Variants in MAML3 observed in about 807,000 individuals in gnomAD.
The protein encoded by MAML3 is mastermind-like protein 3.
MAML3 carries 27 observed loss-of-function variants against 101.9 expected under a neutral mutation model. The ratio of observed to expected loss-of-function variants is 0.27; its 90% CI spans 0.20 to 0.37. The LOEUF (loss-of-function observed/expected upper bound fraction) is 0.37. Among genes scored for constraint, MAML3 ranks in the 10% least tolerant of loss-of-function variants. The pLI is 1.00. For missense variants in MAML3, 1,316 were observed against 1,444.9 expected, an observed-to-expected ratio of 0.91 and a Z score of 1.45; for synonymous variants, 501 against 555.9, an observed-to-expected ratio of 0.90 and a Z score of 1.39.
intron 1 of MAML3, among the ~76,000 whole-genome samples, chr4:140,027,513 C>T (rs1462898014): frequency 6.6e-6 from 1 of 152,192 alleles, no homozygotes; most frequent in African/African-American, 2.4e-5. Flanking sequence ...AAATTATTAA[C>T]ATCATTCTGT....
intron 2 of MAML3, among the ~76,000 whole-genome samples, chr4:139,813,673 ACCAAGCC>A (rs1434432127): frequency 3.0e-4 from 45 of 152,268 alleles, no homozygotes; most frequent in African/African-American, 1.1e-3. Context: ...TGGGGACTAA[ACCAAGCC>A]AGAGAAGACT....
chr4:140,066,007 A>G (rs987204870), intron 1 of MAML3, among the ~76,000 whole-genome samples: 5 of 152,230 alleles, frequency 3.3e-5, no homozygotes, highest in Admixed American at 3.3e-4. Flanking sequence ...GACCTCTGAT[A>G]TGTGCAACTG....
At chr4:139,744,086 T>G (rs750018115) in intron 2 of MAML3, among the ~76,000 whole-genome samples, 1 of 152,184 alleles carries the variant, frequency 6.6e-6, no homozygotes, top group Non-Finnish European at 1.5e-5. Flanking sequence ...TGTAGTCAGA[T>G]GCACAAACAC....
chr4:139,794,921 G>A (rs1402292342), intron 2 of MAML3, among the ~76,000 whole-genome samples: 1 of 152,140 alleles, frequency 6.6e-6, no homozygotes, highest in Non-Finnish European at 1.5e-5. Context: ...GTAAGAATTG[G>A]TGGCAATGAC....
chr4:140,085,312 G>C (rs1315078003), intron 1 of MAML3, among the ~76,000 whole-genome samples: 1 of 152,172 alleles, frequency 6.6e-6, no homozygotes, highest in Non-Finnish European at 1.5e-5. Context: ...GCTGGTCTAA[G>C]TGGAGCAGCC....
chr4:139,806,554 C>T (rs775064173), intron 2 of MAML3, among the ~76,000 whole-genome samples: 9 of 152,116 alleles, frequency 5.9e-5, no homozygotes, highest in Non-Finnish European at 8.8e-5. Context: ...ATACAACACA[C>T]GTCAAGATCC....
chr4:140,151,426 C>A (rs1045952130), intron 1 of MAML3, among the ~76,000 whole-genome samples: 2 of 152,158 alleles, frequency 1.3e-5, no homozygotes, highest in African/African-American at 2.4e-5. Context: ...CGCCTCCCCT[C>A]CCCCAAGCCG....
chr4:140,099,919 A>G (rs1482010602), intron 1 of MAML3, among the ~76,000 whole-genome samples: 1 of 152,184 alleles, frequency 6.6e-6, no homozygotes, highest in African/African-American at 2.4e-5. Flanking sequence ...AAATTTGATC[A>G]TGGCACTCCC....
intron 1 of MAML3, among the ~76,000 whole-genome samples, chr4:140,011,065 T>G (rs1485200116): frequency 6.9e-6 from 1 of 145,022 alleles, no homozygotes; most frequent in Non-Finnish European, 1.5e-5. Context: ...CTGCTTGCAC[T>G]CTAGCCTGGG....
At chr4:139,780,437 AAGGAGAGAC>A (rs1247255592) in intron 2 of MAML3, among the ~76,000 whole-genome samples, 1 of 152,220 alleles carries the variant, frequency 6.6e-6, no homozygotes, top group Non-Finnish European at 1.5e-5. Flanking sequence ...ACCTCAAGCC[AAGGAGAGAC>A]TCTTAACCAA....
chr4:140,050,889 T>C (rs951774606), intron 1 of MAML3, among the ~76,000 whole-genome samples: 2 of 152,208 alleles, frequency 1.3e-5, no homozygotes, highest in Non-Finnish European at 2.9e-5. Flanking sequence ...AATGAAAGTT[T>C]TACTCAGTAT....
intron 2 of MAML3, among the ~76,000 whole-genome samples, chr4:139,786,684 C>T (rs1290135016): frequency 6.6e-6 from 1 of 152,174 alleles, no homozygotes; most frequent in Non-Finnish European, 1.5e-5. Context: ...TCTGTCAATA[C>T]AACAGTACTG....
At chr4:139,874,769 C>T (rs1732076128) in intron 2 of MAML3, among the ~76,000 whole-genome samples, 1 of 151,374 alleles carries the variant, frequency 6.6e-6, no homozygotes, top group South Asian at 2.1e-4. Flanking sequence ...ACAGAGTCAT[C>T]CTAATATCTC....
intron 1 of MAML3, among the ~76,000 whole-genome samples, chr4:140,033,798 T>C (rs967100697): frequency 6.6e-6 from 1 of 152,218 alleles, no homozygotes; most frequent in Non-Finnish European, 1.5e-5. Flanking sequence ...AATGTTCAAA[T>C]GTTGGCATGG....
intron 2 of MAML3, among the ~76,000 whole-genome samples, chr4:139,868,796 G>C (rs1227798750): frequency 6.6e-6 from 1 of 152,048 alleles, no homozygotes; most frequent in East Asian, 1.9e-4. Context: ...AAATGAACTG[G>C]TAAAATTTCT....
chr4:140,117,325 T>G (rs185901759), intron 1 of MAML3, among the ~76,000 whole-genome samples: 2 of 152,340 alleles, frequency 1.3e-5, no homozygotes, highest in South Asian at 2.1e-4. Flanking sequence ...AAAAGCTGTT[T>G]CTAAATTTAC....
chr4:140,018,224 G>C (rs1521489), intron 1 of MAML3, among the ~76,000 whole-genome samples: 105,707 of 152,024 alleles, frequency 0.7, 40,274 homozygotes, highest in East Asian at 0.94. Context: ...GCTGGTATAT[G>C]TAACCGCACA....
chr4:139,771,203 T>A (rs2031919022), intron 2 of MAML3, among the ~76,000 whole-genome samples: 2 of 152,244 alleles, frequency 1.3e-5, no homozygotes, highest in Non-Finnish European at 1.5e-5. Context: ...AAAGAGGTTG[T>A]ATTTTGGAGA....
chr4:139,839,563 G>A lies in MAML3; in HGVS notation c.2079+49794C>T, dbSNP rs546134509. Among the ~76,000 whole-genome samples the A allele has an allele frequency of 6.5e-4, 98 of 151,670 alleles. No homozygotes were observed. In the South Asian group the frequency reaches 0.02, roughly 31 times the overall value. On this transcript the variant is annotated intron_variant, in intron 2 of 4. Transcript: ENST00000509479. ...AACTTAGGGAGCAGATATGCAGCGT[G>A]TGTGTACACCCAGCATGTGTTTTCT...
Sources: gnomAD v4.1 joint callset for allele counts (sites outside exome capture counted in the v4.1 genomes callset) on GRCh38, gnomAD v4.1.1 for gene constraint, MANE v1.5 for transcripts, NCBI Gene and HGNC (gene_info 2026-07-23, HGNC 2026-07-21) for gene names.